Variants in MARCHF8 observed in about 807,000 individuals in gnomAD.
MARCHF8 encodes the protein membrane associated ring-CH-type finger 8.
MARCHF8 carries 40 observed loss-of-function variants against 51.6 expected under a neutral mutation model. That is an observed-to-expected ratio of 0.77 (90% CI 0.60 to 1.01). MARCHF8 has a LOEUF of 1.01. Ranked by LOEUF, MARCHF8 falls within the 50% of genes least tolerant of loss-of-function variation. The pLI, the probability that MARCHF8 is intolerant of heterozygous loss-of-function variation, is 0.00. For synonymous variants in MARCHF8, 263 were observed against 280.3 expected (o/e 0.94, Z 0.62); for missense variants, 685 against 708.6 (o/e 0.97, Z 0.38).
intron 1 of MARCHF8, among the ~76,000 whole-genome samples, chr10:45,591,388 C>T (rs565756831): frequency 6.6e-6 from 1 of 152,102 alleles, no homozygotes; most frequent in East Asian, 1.9e-4. Context: ...TTGCTTCAAC[C>T]CAGGAGGCAG....
At chr10:45,497,719 G>C (rs1258785834) in intron 2 of MARCHF8, among the ~76,000 whole-genome samples, 1 of 151,876 alleles carries the variant, frequency 6.6e-6, no homozygotes, top group Non-Finnish European at 1.5e-5. Flanking sequence ...AAAAAAACTA[G>C]AAAATTTATT....
At chr10:45,575,976 C>A (rs2133405783) in intron 1 of MARCHF8, among the ~76,000 whole-genome samples, 1 of 152,322 alleles carries the variant, frequency 6.6e-6, no homozygotes, top group Admixed American at 6.5e-5. Flanking sequence ...CCACCCCTTT[C>A]TCCCTTTGCT....
At chr10:45,538,884 C>G (rs964554284), upstream of MARCHF8, among the ~76,000 whole-genome samples, 2 of 152,124 alleles carry the variant, frequency 1.3e-5, no homozygotes, top group African/African-American at 2.4e-5. Flanking sequence ...TTTTAACACC[C>G]CACTGTCAAC....
intron 3 of MARCHF8, among the ~76,000 whole-genome samples, chr10:45,478,145 C>G (rs1026019589): frequency 1.3e-5 from 2 of 152,144 alleles, no homozygotes; most frequent in Admixed American, 1.3e-4. Flanking sequence ...TCAGGATAGG[C>G]CACAGGTTAG....
At chr10:45,527,846 C>T (rs865938143) in intron 2 of MARCHF8, among the ~76,000 whole-genome samples, 1 of 152,144 alleles carries the variant, frequency 6.6e-6, no homozygotes, top group Admixed American at 6.5e-5. Flanking sequence ...GATGCAAAAA[C>T]GCTCAAGAAA....
At chr10:45,459,918 A>G in intron 6 of MARCHF8, 2 of 984,356 alleles carry the variant, frequency 2.0e-6, no homozygotes, top group Non-Finnish European at 2.4e-6. Flanking sequence ...AGGTAGAGAG[A>G]AAGAACAATG....
At chr10:45,508,434 TCTCA>T (rs1224006747) in intron 2 of MARCHF8, among the ~76,000 whole-genome samples, 1 of 152,118 alleles carries the variant, frequency 6.6e-6, no homozygotes, top group Non-Finnish European at 1.5e-5. Flanking sequence ...TTGTCAATGC[TCTCA>T]CTGTCATGAT....
At chr10:45,473,822 A>T (rs1454935810) in intron 3 of MARCHF8, among the ~76,000 whole-genome samples, 1 of 152,036 alleles carries the variant, frequency 6.6e-6, no homozygotes, top group African/African-American at 2.4e-5. Context: ...GAGAGCCATC[A>T]CCCCCAGCCA....
Position 45,463,994 on chromosome 10 carries a change from G to GA in MARCHF8, c.244dup (p.Ser82PhefsTer7). ...ACAACACTCAGAAAACACTGCACTG[G>GA]AACTGCATGCAGAACAGTGGGATAA... On this transcript the variant is annotated frameshift_variant and splice_region_variant, in exon 5 of 8. Transcript: ENST00000453424. LOFTEE classifies it high-confidence loss of function. The GA allele has an allele frequency of 6.5e-7, 1 of 1,533,880 alleles. No individual in the cohort carries two copies. The highest frequency in any genetic ancestry group is 8.7e-7 in the Non-Finnish European group (1 of 1,145,898).
intron 3 of MARCHF8, among the ~76,000 whole-genome samples, chr10:45,478,840 G>C (rs2042833471): frequency 1.3e-5 from 2 of 152,160 alleles, no homozygotes; most frequent in Non-Finnish European, 2.9e-5. Context: ...AGATCAATAA[G>C]AAGTAATGAG....
intron 3 of MARCHF8, among the ~76,000 whole-genome samples, chr10:45,469,844 G>C (rs544009978): frequency 8.3e-6 from 1 of 121,034 alleles, no homozygotes; most frequent in South Asian, 2.9e-4. Flanking sequence ...CAGCCTGGGC[G>C]ACAGAGTGAG....
intron 1 of MARCHF8, among the ~76,000 whole-genome samples, chr10:45,543,254 T>C (rs12781506): frequency 0.057 from 8,708 of 152,266 alleles, 293 homozygotes; most frequent in Non-Finnish European, 0.066. Flanking sequence ...AGCATGACAT[T>C]GTACACAGAT....
chr10:45,502,809 T>G (rs1033868238), intron 2 of MARCHF8, among the ~76,000 whole-genome samples: 1 of 151,902 alleles, frequency 6.6e-6, no homozygotes, highest in Non-Finnish European at 1.5e-5. Flanking sequence ...GGAAGGAAAA[T>G]GATACCAGAA....
chr10:45,518,367 G>A (rs767393271), intron 2 of MARCHF8, among the ~76,000 whole-genome samples: 11 of 152,158 alleles, frequency 7.2e-5, no homozygotes, highest in Non-Finnish European at 1.0e-4. Context: ...GATGACATGT[G>A]TATTCTCGCA....
At chr10:45,569,837 T>C (rs141446193) in intron 1 of MARCHF8, among the ~76,000 whole-genome samples, 8 of 152,296 alleles carry the variant, frequency 5.3e-5, no homozygotes, top group African/African-American at 1.9e-4. Flanking sequence ...AATTAAAATG[T>C]AGCTTTTTTT....
chr10:45,515,386 G>A (rs1374511237), intron 2 of MARCHF8, among the ~76,000 whole-genome samples: 1 of 152,074 alleles, frequency 6.6e-6, no homozygotes, highest in East Asian at 1.9e-4. Flanking sequence ...CTGTCACTAA[G>A]GTAATTTTTC....
chr10:45,534,312 A>G (rs909352152), intron 1 of MARCHF8, among the ~76,000 whole-genome samples: 4 of 152,162 alleles, frequency 2.6e-5, no homozygotes, highest in Non-Finnish European at 2.9e-5. Flanking sequence ...TTTGCCAAAC[A>G]CTGCCGTAAA....
intron 3 of MARCHF8, among the ~76,000 whole-genome samples, chr10:45,465,654 C>T (rs1842942739): frequency 2.0e-5 from 3 of 152,184 alleles, no homozygotes; most frequent in African/African-American, 7.2e-5. Flanking sequence ...TGGCTGCTCC[C>T]ACTCCCAGTG....
chr10:45,503,187 T>G (rs1457085859), intron 2 of MARCHF8, among the ~76,000 whole-genome samples: 1 of 152,050 alleles, frequency 6.6e-6, no homozygotes, highest in South Asian at 2.1e-4. Context: ...AACAATTAAG[T>G]GTACATAAAC....
Sources: gnomAD v4.1 joint callset for allele counts (sites outside exome capture counted in the v4.1 genomes callset) on GRCh38, gnomAD v4.1.1 for gene constraint, MANE v1.5 for transcripts, NCBI Gene and HGNC (gene_info 2026-07-23, HGNC 2026-07-21) for gene names.